ZNF462: variants seen among roughly 807,000 people sequenced by gnomAD.
ZNF462 encodes zinc finger PBX1-interacting protein.
A neutral mutation model predicts 201.9 loss-of-function variants in ZNF462; 10 were observed. That is an observed-to-expected ratio of 0.05 (90% CI 0.03 to 0.08). The LOEUF is 0.08. Ranked by LOEUF, ZNF462 falls within the 10% of genes least tolerant of loss-of-function variation. ZNF462 has a pLI of 1.00. For missense variants in ZNF462, 2,523 were observed against 3,168.3 expected, an observed-to-expected ratio of 0.80 and a Z score of 4.89; for synonymous variants, 1,227 against 1,193.3, an observed-to-expected ratio of 1.03 and a Z score of -0.58.
rs1471925975 is a variant in ZNF462 at position 107,011,646 on chromosome 9, A to G, written c.*616A>G. 6.6e-6 allele frequency: 1 copy of G among 152,140 alleles called. No individual in the cohort carries two copies. The highest frequency in any genetic ancestry group is 6.5e-5 in the Admixed American group (1 of 15,270). The allele number at this position is 152,140 out of a possible 1,614,324, so 9.4% of individuals were successfully genotyped here. A position where few individuals can be genotyped will look rare whatever the true frequency, so the allele number is the denominator to read the frequency against. ...TTAAATGTAGAGAGAACTGCTGGGC[A>G]AGATGGTGAATGGAGAAAAAAAAAG... is the stretch of plus-strand genomic sequence containing the variant. On this transcript the variant is annotated 3_prime_UTR_variant, in exon 13 of 13. Coordinates refer to ENST00000277225, the MANE Select transcript of ZNF462 (RefSeq NM_021224.6). The surrounding 1 kb of genome is among the most constrained non-coding windows in gnomAD (Gnocchi z 5.6).
intron 7 of ZNF462, among the ~76,000 whole-genome samples, chr9:106,959,584 A>G (rs962271318): frequency 1.3e-5 from 2 of 152,084 alleles, no homozygotes; most frequent in Non-Finnish European, 2.9e-5. Context: ...GAGGACACAG[A>G]GGTGTGTTGG....
Position 106,984,145 on chromosome 9 carries a change from C to T in ZNF462, c.6833-41C>T. 1.3e-6 allele frequency: 2 copies of T among 1,552,850 alleles called. No individual in the cohort carries two copies. Among genetic ancestry groups the T allele is most frequent in the Non-Finnish European group, 1.8e-6 (2 of 1,136,438 alleles). Reference sequence around the variant, plus strand: ...AAAGAAAGAACTTCTGTTTTGCCATCAGTAAAAATTCCCATCTTTCCATTC... The same window carrying T: ...AAAGAAAGAACTTCTGTTTTGCCATTAGTAAAAATTCCCATCTTTCCATTC... On this transcript the variant is annotated intron_variant, in intron 9 of 12. Coordinates refer to ENST00000277225, the MANE Select transcript of ZNF462 (RefSeq NM_021224.6). This position sits in a 1 kb window ranked among gnomAD's most constrained non-coding sequence, Gnocchi z 6.4.
chr9:107,006,948 TG>T lies in ZNF462; in HGVS notation c.7190-2595del, dbSNP rs1829590306. 6.6e-6 allele frequency among the ~76,000 whole-genome samples: 1 copy of T among 152,212 alleles called. No individual in the cohort carries two copies. Among genetic ancestry groups the T allele is most frequent in the Non-Finnish European group, 1.5e-5 (1 of 68,030 alleles). ...GAAAACGGTTGTGATCGGAGAAGCA[TG>T]GCTTCTTTCTTTTTTCTTTTTCAAA... On this transcript the variant is annotated intron_variant, in intron 11 of 12. Transcript: ENST00000277225. This position sits in a 1 kb window ranked among gnomAD's most constrained non-coding sequence, Gnocchi z 4.3.
chr9:106,879,943 T>G (rs59826021), intron 1 of ZNF462, among the ~76,000 whole-genome samples: 1 of 152,138 alleles, frequency 6.6e-6, no homozygotes, highest in African/African-American at 2.4e-5. Context: ...TTCAGTGGAC[T>G]TCACAGCTGT....
chr9:106,962,158 G>A lies in ZNF462; in HGVS notation c.6428-9847G>A, dbSNP rs889122004. On this transcript the variant is annotated intron_variant, in intron 7 of 12. Transcript: ENST00000277225. The surrounding 1 kb of genome is among the most constrained non-coding windows in gnomAD (Gnocchi z 4.6). ...GAAGAAACTGGAAAATGGAATGCCA[G>A]TTAGGAACATGTTGCAGTAGAAGTT... Among the ~76,000 whole-genome samples the A allele has an allele frequency of 2.6e-5, 4 of 152,042 alleles. No homozygotes were observed. Among genetic ancestry groups the A allele is most frequent in the East Asian group, 1.9e-4 (1 of 5,182 alleles).
At chr9:106,942,761 T>C (rs1464007342) in intron 7 of ZNF462, among the ~76,000 whole-genome samples, 3 of 152,136 alleles carry the variant, frequency 2.0e-5, no homozygotes, top group African/African-American at 7.2e-5. Flanking sequence ...AGTTTAGCTA[T>C]GAGATTTGTT....
rs1827298101 is a variant in ZNF462, at chr9:106,865,658, T to A, written c.-31+2303T>A. 6.6e-6 allele frequency among the ~76,000 whole-genome samples: 1 copy of A among 152,188 alleles called. No individual in the cohort carries two copies. The highest frequency in any genetic ancestry group is 2.1e-4 in the South Asian group (1 of 4,828). The stretch of plus-strand genomic sequence containing the variant: ...TTTTTTCTGTGTTCTGAAGTACTCT[T>A]AAGTCTTCAGAAATATCAGTATGTC... On this transcript the variant is annotated intron_variant, in intron 1 of 12. Coordinates refer to ENST00000277225, the MANE Select transcript of ZNF462 (RefSeq NM_021224.6). The surrounding 1 kb of genome is among the most constrained non-coding windows in gnomAD (Gnocchi z 4.1).
At chr9:106,897,229 T>A (rs1411550901) in intron 1 of ZNF462, among the ~76,000 whole-genome samples, 2 of 152,222 alleles carry the variant, frequency 1.3e-5, no homozygotes, top group African/African-American at 2.4e-5. Flanking sequence ...TATATTTGCA[T>A]CATATTATTA....
intron 1 of ZNF462, among the ~76,000 whole-genome samples, chr9:106,894,208 G>A (rs1217032767): frequency 6.6e-6 from 1 of 152,206 alleles, no homozygotes; most frequent in African/African-American, 2.4e-5. Flanking sequence ...GCTCCTCACT[G>A]CCATACTGGG....
chr9:106,996,169 T>A (rs1828717080), intron 10 of ZNF462, among the ~76,000 whole-genome samples: 1 of 152,228 alleles, frequency 6.6e-6, no homozygotes, highest in Admixed American at 6.5e-5. Context: ...GGCTGCATAG[T>A]ATTCCATGGT....
intron 1 of ZNF462, among the ~76,000 whole-genome samples, chr9:106,912,058 G>A (rs1251842974): frequency 5.9e-5 from 9 of 152,088 alleles, no homozygotes; most frequent in Non-Finnish European, 1.2e-4. Flanking sequence ...ACAGACATTC[G>A]TAAGGCTGAC....
At chr9:106,861,091 T>A (rs1827054097), upstream of ZNF462, among the ~76,000 whole-genome samples, 1 of 151,942 alleles carries the variant, frequency 6.6e-6, no homozygotes, top group African/African-American at 2.4e-5. Flanking sequence ...TGTCATTTAT[T>A]TATTTATTTA....
Position 106,928,456 on chromosome 9 carries a change from A to G in ZNF462, c.4544A>G (p.Tyr1515Cys), listed in dbSNP as rs747500736. The change falls in exon 3 of 13, where the codon TAC (tyrosine) becomes TGC (cysteine). Residue 1515 changes from tyrosine (Y) to cysteine (C), a missense_variant. Around this residue, in one of 15 missense-constraint regions of ZNF462, gnomAD observed 200 missense variants for 281.3 expected, o/e 0.71. Transcript: ENST00000277225. The surrounding 1 kb of genome is among the most constrained non-coding windows in gnomAD (Gnocchi z 9.3). Reference sequence around the variant, plus strand: ...ATTGACATCAACCCAGGTGCCGTCTACAAATGCAGGCATTGCCCATACATC... The same window carrying G: ...ATTGACATCAACCCAGGTGCCGTCTGCAAATGCAGGCATTGCCCATACATC... ...QDIDINPGAV[Y>C]KCRHCPYINT... 1 of 1,614,176 alleles carries G rather than the reference A, an allele frequency of 6.2e-7. No individual in the cohort carries two copies. Among genetic ancestry groups the G allele is most frequent in the Non-Finnish European group, 8.5e-7 (1 of 1,180,042 alleles).
upstream of ZNF462, among the ~76,000 whole-genome samples, chr9:106,861,504 G>A (rs1053929323): frequency 1.3e-5 from 2 of 152,122 alleles, no homozygotes; most frequent in Admixed American, 1.3e-4. Context: ...ATTCAGACGC[G>A]GACAAAAGAA....
In ZNF462 at chr9:106,972,293, C is replaced by T. The variant is rs763764254; in HGVS notation, c.6695+21C>T. On this transcript the variant is annotated intron_variant, in intron 8 of 12. Coordinates refer to ENST00000277225, the MANE Select transcript of ZNF462 (RefSeq NM_021224.6). This position sits in a 1 kb window ranked among gnomAD's most constrained non-coding sequence, Gnocchi z 4.8. ...TTTAAGTAAGTGACGTAATGAACAG[C>T]TATGGAAAACAAGGCGGCCGCCCCT... The T allele has an allele frequency of 1.9e-6, 3 of 1,604,810 alleles. No individual in the cohort carries two copies. Among genetic ancestry groups the T allele is most frequent in the Middle Eastern group, 1.7e-4 (1 of 5,998 alleles).
intron 1 of ZNF462, among the ~76,000 whole-genome samples, chr9:106,867,181 A>G (rs1362760493): frequency 2.6e-5 from 4 of 152,242 alleles, no homozygotes; most frequent in African/African-American, 4.8e-5. Flanking sequence ...GGCAAACACC[A>G]TAATATTTAA....
At chr9:106,999,225 G>A (rs1183912291) in intron 10 of ZNF462, among the ~76,000 whole-genome samples, 50 of 152,100 alleles carry the variant, frequency 3.3e-4, no homozygotes, top group Non-Finnish European at 1.2e-4. Context: ...GGAAACAAGT[G>A]TGTTTCTCTC....
chr9:106,891,073 A>G (rs1160069440), intron 1 of ZNF462, among the ~76,000 whole-genome samples: 1 of 152,214 alleles, frequency 6.6e-6, no homozygotes, highest in Non-Finnish European at 1.5e-5. Flanking sequence ...CACCGGCTGA[A>G]AAAGGAGATG....
In ZNF462 at chr9:107,003,882, A is replaced by G. The variant is rs969120007; in HGVS notation, c.7189+456A>G. Reference sequence around the variant, plus strand: ...AAAGAACTTGAGCCCCTACCCCCTGATGTCCCTCTGCGTGGCCCTTTTCTT... The same window carrying G: ...AAAGAACTTGAGCCCCTACCCCCTGGTGTCCCTCTGCGTGGCCCTTTTCTT... On this transcript the variant is annotated intron_variant, in intron 11 of 12. Coordinates refer to ENST00000277225, the MANE Select transcript of ZNF462 (RefSeq NM_021224.6). This position sits in a 1 kb window ranked among gnomAD's most constrained non-coding sequence, Gnocchi z 4.4. Among the ~76,000 whole-genome samples, 1 of 152,046 alleles carries G rather than the reference A, an allele frequency of 6.6e-6. No individual in the cohort carries two copies. Among genetic ancestry groups the G allele is most frequent in the South Asian group, 2.1e-4 (1 of 4,822 alleles).
Sources: allele counts gnomAD v4.1 joint callset (sites outside exome capture counted in the v4.1 genomes callset), GRCh38; gene constraint gnomAD v4.1.1; regional missense constraint gnomAD v4.1.1; non-coding constraint Gnocchi (gnomAD v3.1); transcripts MANE v1.5; gene names NCBI Gene and HGNC (gene_info 2026-07-23, HGNC 2026-07-21).